Variants in DLGAP2 observed in about 807,000 individuals in gnomAD.
DLGAP2 encodes DLG associated protein 2.
Under a neutral mutation model 100.3 loss-of-function variants are expected in DLGAP2, and 26 were observed. The ratio of observed to expected loss-of-function variants is 0.26; its 90% CI spans 0.19 to 0.36. The LOEUF is 0.36. DLGAP2 is among the 10% of genes least tolerant of loss of function. The pLI, the probability that DLGAP2 is intolerant of heterozygous loss-of-function variation, is 1.00. For missense variants in DLGAP2, 1,858 were observed against 1,453.2 expected (o/e 1.28, Z -4.53); for synonymous variants, 886 against 630.1 (o/e 1.41, Z -6.08).
At chr8:1,022,578 C>T (rs369659536) in intron 2 of DLGAP2, among the ~76,000 whole-genome samples, 1,790 of 136,372 alleles carry the variant, frequency 0.013, 35 homozygotes, top group African/African-American at 0.047. Flanking sequence ...GACACTCCAG[C>T]CGCCACCCAT....
intron 2 of DLGAP2, among the ~76,000 whole-genome samples, chr8:1,139,715 CCT>C (rs769676090): frequency 6.6e-6 from 1 of 152,098 alleles, no homozygotes; most frequent in African/African-American, 2.4e-5. Context: ...CCGACAGGCC[CCT>C]GTTATTTCAG....
chr8:1,093,273 A>T (rs1804245949), intron 2 of DLGAP2, among the ~76,000 whole-genome samples: 1 of 151,482 alleles, frequency 6.6e-6, no homozygotes, highest in African/African-American at 2.4e-5. Context: ...ACACCTTCAC[A>T]CCCACAGCCA....
intron 2 of DLGAP2, among the ~76,000 whole-genome samples, chr8:1,013,115 C>G (rs911813626): frequency 6.6e-6 from 1 of 152,182 alleles, no homozygotes; most frequent in Non-Finnish European, 1.5e-5. Context: ...ATTATTATGT[C>G]TTTTCCCTGT....
At chr8:898,599 G>A (rs1006748649) in intron 1 of DLGAP2, among the ~76,000 whole-genome samples, 4 of 152,158 alleles carry the variant, frequency 2.6e-5, no homozygotes, top group Admixed American at 6.5e-5. Flanking sequence ...ATTTTGAGGC[G>A]CCTGCCTTTT....
intron 3 of DLGAP2, among the ~76,000 whole-genome samples, chr8:1,439,201 C>T (rs1050950020): frequency 6.6e-6 from 1 of 152,164 alleles, no homozygotes; most frequent in Admixed American, 6.5e-5. Context: ...CGCCCAGCCC[C>T]TCCCCTCCAG....
chr8:789,877 C>G lies in DLGAP2; in HGVS notation c.18+52052C>G, dbSNP rs140586325. Among the ~76,000 whole-genome samples, 4 of 152,304 alleles carry G rather than the reference C, an allele frequency of 2.6e-5. No individual in the cohort carries two copies. The East Asian group carries it at 7.7e-4, about 29-fold the overall frequency. On this transcript the variant is annotated intron_variant, in intron 1 of 14. Transcript: ENST00000637795. Reference sequence around the variant, plus strand: ...GTATTGCCCTGTGTAATGATCAAAGCAGCTGGAGACATGAAGCCAGGAAGT... The same window carrying G: ...GTATTGCCCTGTGTAATGATCAAAGGAGCTGGAGACATGAAGCCAGGAAGT...
rs1001375233 is a variant in DLGAP2, at chr8:1,665,848, C to T, written c.1811-2481C>T. On this transcript the variant is annotated intron_variant, in intron 8 of 14. Coordinates refer to ENST00000637795, the MANE Select transcript of DLGAP2 (RefSeq NM_001346810.2). ...ACAAATGGGTTACCATGAAAACAGC[C>T]GCCTACTCTCCAGGGCTGTCACGTG... Among the ~76,000 whole-genome samples the T allele has an allele frequency of 3.9e-5, 6 of 152,202 alleles. No individual in the cohort carries two copies. The East Asian group carries it at 9.6e-4, about 24-fold the overall frequency.
intron 2 of DLGAP2, among the ~76,000 whole-genome samples, chr8:960,014 G>A: frequency 6.6e-6 from 1 of 152,032 alleles, no homozygotes; most frequent in Non-Finnish European, 1.5e-5. Flanking sequence ...GATGTTTGAG[G>A]ATTATCCTCT....
intron 14 of DLGAP2, 37 bp from the exon 15 acceptor site, chr8:1,701,151 C>G (rs768295701): frequency 1.3e-6 from 2 of 1,540,450 alleles, no homozygotes; most frequent in African/African-American, 2.8e-5. Flanking sequence ...GACCCTCCTC[C>G]GAGCACCTGC....
intron 2 of DLGAP2, among the ~76,000 whole-genome samples, chr8:1,094,591 C>T (rs148133599): frequency 4.9e-4 from 74 of 152,334 alleles, no homozygotes; most frequent in African/African-American, 1.7e-3. Context: ...GCGACAGCGA[C>T]GAGCTGCAGC....
chr8:942,087 AC>A (rs1342729401), intron 2 of DLGAP2, among the ~76,000 whole-genome samples: 8 of 152,124 alleles, frequency 5.3e-5, no homozygotes, highest in African/African-American at 1.9e-4. Context: ...GCCTCGAGTC[AC>A]TGGGACCACA....
chr8:913,467 C>T (rs190042594), intron 2 of DLGAP2, among the ~76,000 whole-genome samples: 190 of 152,266 alleles, frequency 1.2e-3, no homozygotes, highest in African/African-American at 4.0e-3. Flanking sequence ...TTGGCGTGAG[C>T]GTATATGTTG....
chr8:1,199,947 A>C (rs1464428127), intron 2 of DLGAP2, among the ~76,000 whole-genome samples: 1 of 139,958 alleles, frequency 7.1e-6, no homozygotes, highest in Admixed American at 7.1e-5. Flanking sequence ...TCCCCCCCAC[A>C]ACCCCCCGCA....
chr8:1,258,487 C>G (rs553792594), intron 2 of DLGAP2, among the ~76,000 whole-genome samples: 2 of 151,988 alleles, frequency 1.3e-5, no homozygotes, highest in Non-Finnish European at 2.9e-5. Flanking sequence ...CTATTGCATG[C>G]GGGGCTTAAA....
chr8:1,549,129 C>A lies in DLGAP2; in HGVS notation c.676C>A (p.Pro226Thr). The change falls in exon 5 of 15, where the codon CCC becomes ACC. Residue 226 changes from proline (P) to threonine (T), a missense_variant. Coordinates refer to ENST00000637795, the MANE Select transcript of DLGAP2 (RefSeq NM_001346810.2). ...GGCCGCCGAGCAGCGCAGCGAGAGC[C>A]CCGGGCGGATCCGCCACCTGGTACA... Reference protein sequence around the residue: ...SAAAEQRSESPGRIRHLVHSV... With the variant: ...SAAAEQRSESTGRIRHLVHSV... 6.3e-7 allele frequency: 1 copy of A among 1,590,170 alleles called. No individual in the cohort carries two copies. The highest frequency in any genetic ancestry group is 2.3e-5 in the East Asian group (1 of 43,530).
At chr8:1,267,119 C>T (rs981010726) in intron 3 of DLGAP2, among the ~76,000 whole-genome samples, 1 of 151,846 alleles carries the variant, frequency 6.6e-6, no homozygotes, top group Non-Finnish European at 1.5e-5. Context: ...GTAGTCCCAG[C>T]TACCCCTGAG....
intron 3 of DLGAP2, among the ~76,000 whole-genome samples, chr8:1,498,663 CTG>C (rs1171530100): frequency 6.6e-6 from 1 of 152,166 alleles, no homozygotes; most frequent in Non-Finnish European, 1.5e-5. Context: ...ACCTGAATAA[CTG>C]TAATGAAATC....
chr8:898,508 C>G (rs1798190124), intron 1 of DLGAP2, among the ~76,000 whole-genome samples: 1 of 152,202 alleles, frequency 6.6e-6, no homozygotes. Flanking sequence ...TCCCTCTCAT[C>G]CATTTCTCTA....
At chr8:1,098,757 A>T (rs1178802890) in intron 2 of DLGAP2, among the ~76,000 whole-genome samples, 10 of 131,426 alleles carry the variant, frequency 7.6e-5, no homozygotes, top group Non-Finnish European at 1.3e-4. Flanking sequence ...CCGGCCGCCC[A>T]CGGGCGCCGC....
Sources: gnomAD v4.1 joint callset for allele counts (sites outside exome capture counted in the v4.1 genomes callset) on GRCh38, gnomAD v4.1.1 for gene constraint, MANE v1.5 for transcripts, NCBI Gene and HGNC (gene_info 2026-07-23, HGNC 2026-07-21) for gene names.